TANGO6: variants seen among roughly 807,000 people sequenced by gnomAD.
TANGO6 encodes transport and Golgi organization protein 6 homolog.
TANGO6 carries 90 observed loss-of-function variants against 114.2 expected under a neutral mutation model. The ratio of observed to expected loss-of-function variants is 0.79; its 90% CI spans 0.66 to 0.94. TANGO6 has a LOEUF of 0.94. TANGO6 is among the 40% of genes least tolerant of loss of function. The pLI is 0.00. For synonymous variants in TANGO6, 477 were observed against 509.8 expected (o/e 0.94, Z 0.87); for missense variants, 1,274 against 1,315.3 (o/e 0.97, Z 0.49).
At chr16:69,058,315 TTAATAG>T (rs1310045960) in intron 17 of TANGO6, among the ~76,000 whole-genome samples, 4 of 152,246 alleles carry the variant, frequency 2.6e-5, no homozygotes, top group African/African-American at 4.8e-5. Flanking sequence ...GGTTTGATAC[TTAATAG>T]TAATATAACT....
chr16:69,001,756 G>A (rs1567556405), intron 15 of TANGO6, among the ~76,000 whole-genome samples: 2 of 152,154 alleles, frequency 1.3e-5, no homozygotes, highest in South Asian at 2.1e-4. Context: ...CTGCAAAGAC[G>A]TTCCCCCGAA....
chr16:68,849,626 C>T (rs1290800170), intron 1 of TANGO6, among the ~76,000 whole-genome samples: 2 of 151,562 alleles, frequency 1.3e-5, no homozygotes, highest in African/African-American at 4.9e-5. Context: ...TACCACTGCA[C>T]TCCAGCCTGG....
At chr16:68,879,077 AAAT>A (rs752822689) in intron 6 of TANGO6, among the ~76,000 whole-genome samples, 6 of 151,948 alleles carry the variant, frequency 3.9e-5, no homozygotes, top group Non-Finnish European at 7.4e-5. Context: ...CCCTTGCTCA[AAAT>A]AATAATAATA....
chr16:69,057,247 A>G (rs867788614), intron 17 of TANGO6, among the ~76,000 whole-genome samples: 13 of 152,012 alleles, frequency 8.6e-5, no homozygotes, highest in African/African-American at 3.1e-4. Context: ...TTTATATGGT[A>G]GTTGTGTTTC....
At chr16:68,950,081 A>G (rs983116141) in intron 14 of TANGO6, among the ~76,000 whole-genome samples, 1 of 152,364 alleles carries the variant, frequency 6.6e-6, no homozygotes, top group South Asian at 2.1e-4. Context: ...TGAAATGTCC[A>G]AAACAGACAA....
intron 17 of TANGO6, among the ~76,000 whole-genome samples, chr16:69,082,608 G>A (rs1285752873): frequency 6.6e-6 from 1 of 152,140 alleles, no homozygotes; most frequent in African/African-American, 2.4e-5. Context: ...AGCTGGGCGT[G>A]GTGGTGCGCA....
intron 17 of TANGO6, among the ~76,000 whole-genome samples, chr16:69,081,945 A>T (rs8059412): frequency 0.33 from 47,670 of 146,442 alleles, 9,499 homozygotes; most frequent in African/African-American, 0.59. Flanking sequence ...GTGATTCTCC[A>T]GCCTCGCCCT....
chr16:68,862,947 T>C lies in TANGO6; in HGVS notation c.738T>C (p.Val246=). ...AGCCAAGTGCATATTTCTTTTAGGTTCTAACTGAAGAGGAGAGAACCCTAT... is the reference window on the plus strand; with the variant it reads ...AGCCAAGTGCATATTTCTTTTAGGTCCTAACTGAAGAGGAGAGAACCCTAT... ...KRKLLTPAEE[V]LTEEERTLSR... Residue 246 remains valine (V), a splice_region_variant and synonymous_variant, in exon 3 of 18, where the codon GTT becomes GTC. Transcript: ENST00000261778. 3 of 1,584,900 alleles carry C rather than the reference T, an allele frequency of 1.9e-6. No homozygotes were observed. The highest frequency in any genetic ancestry group is 2.6e-6 in the Non-Finnish European group (3 of 1,164,908).
At chr16:68,924,226 G>C (rs1284023668) in intron 12 of TANGO6, among the ~76,000 whole-genome samples, 1 of 152,160 alleles carries the variant, frequency 6.6e-6, no homozygotes, top group East Asian at 1.9e-4. Flanking sequence ...TCTATTTCTG[G>C]AATTGTCTTC....
intron 15 of TANGO6, among the ~76,000 whole-genome samples, chr16:68,988,459 C>T (rs1963916984): frequency 6.6e-6 from 1 of 152,172 alleles, no homozygotes; most frequent in Admixed American, 6.5e-5. Flanking sequence ...CCTTGGTCCT[C>T]TTCTCTCTTC....
intron 1 of TANGO6, among the ~76,000 whole-genome samples, chr16:68,855,841 T>C (rs528846140): frequency 1.3e-5 from 2 of 150,270 alleles, no homozygotes; most frequent in Non-Finnish European, 2.9e-5. Flanking sequence ...GTTGAGATTG[T>C]GCCACCGCAC....
At chr16:68,993,026 C>T (rs1390731175) in intron 15 of TANGO6, among the ~76,000 whole-genome samples, 26 of 151,766 alleles carry the variant, frequency 1.7e-4, no homozygotes, top group Admixed American at 1.7e-3. Flanking sequence ...CCAAGATGCG[C>T]CATTGCACTC....
chr16:68,867,294 C>G (rs1212852326), intron 4 of TANGO6, 74 bp downstream of exon 4: 1 of 1,582,890 alleles, frequency 6.3e-7, no homozygotes, highest in Admixed American at 1.7e-5. Context: ...AATTATTGGT[C>G]TTTAGTATTT....
chr16:68,860,596 T>C, intron 2 of TANGO6, 72 bp downstream of exon 2: 1 of 1,536,178 alleles, frequency 6.5e-7, no homozygotes, highest in East Asian at 2.3e-5. Context: ...TTGTGGATAG[T>C]TGTTATAAAA....
chr16:68,968,306 C>T (rs1963665397), intron 14 of TANGO6, among the ~76,000 whole-genome samples: 1 of 151,948 alleles, frequency 6.6e-6, no homozygotes, highest in African/African-American at 2.4e-5. Flanking sequence ...CTTCGTGATC[C>T]ACCCACCTCA....
At chr16:69,082,504 T>C (rs1436893164) in intron 17 of TANGO6, among the ~76,000 whole-genome samples, 1 of 151,006 alleles carries the variant, frequency 6.6e-6, no homozygotes, top group Non-Finnish European at 1.5e-5. Context: ...AGCAATACTT[T>C]GGGAGGCCGA....
At chr16:68,850,406 C>T (rs946406806) in intron 1 of TANGO6, among the ~76,000 whole-genome samples, 1 of 152,010 alleles carries the variant, frequency 6.6e-6, no homozygotes, top group African/African-American at 2.4e-5. Flanking sequence ...AATATATAAT[C>T]ACACATTATA....
chr16:68,942,418 A>T (rs1274110326), intron 14 of TANGO6, among the ~76,000 whole-genome samples: 1 of 152,152 alleles, frequency 6.6e-6, no homozygotes, highest in Admixed American at 6.5e-5. Flanking sequence ...GCAGAAAATT[A>T]TCATGGTAAA....
chr16:69,079,307 C>T (rs896409524), intron 17 of TANGO6, among the ~76,000 whole-genome samples: 4 of 151,680 alleles, frequency 2.6e-5, no homozygotes, highest in African/African-American at 9.7e-5. Context: ...CCAGCCTGGG[C>T]AACAAGAGCA....
Sources: gnomAD v4.1 joint callset for allele counts (sites outside exome capture counted in the v4.1 genomes callset) on GRCh38, gnomAD v4.1.1 for gene constraint, MANE v1.5 for transcripts, NCBI Gene and HGNC (gene_info 2026-07-23, HGNC 2026-07-21) for gene names.